SLC2A9: variants seen among roughly 807,000 people sequenced by gnomAD.
The protein encoded by SLC2A9 is solute carrier family 2 member 9.
Under a neutral mutation model 50.6 loss-of-function variants are expected in SLC2A9, and 39 were observed. The observed-to-expected ratio is 0.77, with a 90% confidence interval of 0.60 to 1.01. The LOEUF is 1.01. Among genes scored for constraint, SLC2A9 ranks in the 50% least tolerant of loss-of-function variants. The pLI is 0.00. For missense variants in SLC2A9, 686 were observed against 677.6 expected (o/e 1.01, Z -0.14); for synonymous variants, 324 against 276.9 (o/e 1.17, Z -1.69).
At chr4:9,965,237 C>T (rs1188311780) in intron 5 of SLC2A9, among the ~76,000 whole-genome samples, 1 of 152,188 alleles carries the variant, frequency 6.6e-6, no homozygotes, top group Non-Finnish European at 1.5e-5. Context: ...AGCTGTGATG[C>T]AGATCCAGGC....
chr4:9,956,327 C>CA (rs573102982), intron 5 of SLC2A9, among the ~76,000 whole-genome samples: 72,697 of 150,244 alleles, frequency 0.48, 18,798 homozygotes, highest in African/African-American at 0.67. Context: ...ACTAAAAATA[C>CA]AAAAAAAAAT....
At chr4:9,805,594 A>G (rs1722010584) in intron 3 of SLC2A9, among the ~76,000 whole-genome samples, 1 of 151,834 alleles carries the variant, frequency 6.6e-6, no homozygotes, top group Non-Finnish European at 1.5e-5. Context: ...TTACCTACTC[A>G]GGAGGCTGAG....
chr4:9,912,259 G>C (rs887593841), intron 7 of SLC2A9, among the ~76,000 whole-genome samples: 2 of 151,916 alleles, frequency 1.3e-5, no homozygotes, highest in Admixed American at 6.6e-5. Flanking sequence ...CCTGCACGTT[G>C]TGCACATGTA....
At chr4:9,831,675 T>G (rs1055477282) in intron 11 of SLC2A9, among the ~76,000 whole-genome samples, 1 of 152,110 alleles carries the variant, frequency 6.6e-6, no homozygotes, top group African/African-American at 2.4e-5. Flanking sequence ...GGACATAGCT[T>G]GAGTTCTGGT....
At chr4:9,824,044 G>A (rs888977533), downstream of SLC2A9, among the ~76,000 whole-genome samples, 6 of 152,130 alleles carry the variant, frequency 3.9e-5, no homozygotes, top group Non-Finnish European at 8.8e-5. Flanking sequence ...TCCCCAATGC[G>A]GCAGTATTGA....
chr4:9,786,424 G>T (rs1719225067), intron 3 of SLC2A9, among the ~76,000 whole-genome samples: 1 of 152,192 alleles, frequency 6.6e-6, no homozygotes, highest in Non-Finnish European at 1.5e-5. Context: ...AAATGCACTA[G>T]TGCACAGATC....
At chr4:9,899,719 T>C (rs1359215498) in intron 8 of SLC2A9, among the ~76,000 whole-genome samples, 1 of 152,230 alleles carries the variant, frequency 6.6e-6, no homozygotes, top group Non-Finnish European at 1.5e-5. Context: ...TTTTAAATAA[T>C]GATCATCCCA....
At chr4:9,837,427 C>G (rs1317027318) in intron 10 of SLC2A9, among the ~76,000 whole-genome samples, 3 of 152,208 alleles carry the variant, frequency 2.0e-5, no homozygotes, top group Non-Finnish European at 4.4e-5. Flanking sequence ...CACAGCAATT[C>G]TGAAGCCTGA....
At chr4:9,886,951 C>T (rs1271931008) in intron 10 of SLC2A9, among the ~76,000 whole-genome samples, 2 of 152,194 alleles carry the variant, frequency 1.3e-5, no homozygotes, top group Admixed American at 1.3e-4. Flanking sequence ...TAGGAAACAG[C>T]AGGGCTAGAA....
chr4:9,797,105 C>G (rs914881945), downstream of SLC2A9, among the ~76,000 whole-genome samples: 2 of 152,136 alleles, frequency 1.3e-5, no homozygotes, highest in Admixed American at 1.3e-4. Context: ...GGAAGTGTTC[C>G]AAGAACCAGG....
intron 8 of SLC2A9, among the ~76,000 whole-genome samples, chr4:9,895,025 G>A: frequency 1.3e-5 from 2 of 152,132 alleles, no homozygotes; most frequent in Non-Finnish European, 2.9e-5. Flanking sequence ...GTATTTTGAA[G>A]TTTTTAAAAA....
intron 5 of SLC2A9, among the ~76,000 whole-genome samples, chr4:9,955,090 C>T (rs1049437346): frequency 2.6e-5 from 4 of 152,242 alleles, no homozygotes; most frequent in East Asian, 3.9e-4. Flanking sequence ...AAACACACGG[C>T]GTGTGCGGCC....
intron 1 of SLC2A9, among the ~76,000 whole-genome samples, chr4:10,028,302 C>G (rs181694794): frequency 6.6e-6 from 1 of 152,198 alleles, no homozygotes; most frequent in Admixed American, 6.5e-5. Context: ...CCCATAAATG[C>G]GAATGCAGCA....
intron 10 of SLC2A9, among the ~76,000 whole-genome samples, chr4:9,867,107 A>G (rs1732615958): frequency 6.6e-6 from 1 of 152,214 alleles, no homozygotes; most frequent in Non-Finnish European, 1.5e-5. Flanking sequence ...TGTGAATGCA[A>G]TGGGCACTTT....
At chr4:9,973,048 C>A (rs182148752) in intron 5 of SLC2A9, among the ~76,000 whole-genome samples, 2 of 152,202 alleles carry the variant, frequency 1.3e-5, no homozygotes, top group African/African-American at 4.8e-5. Context: ...TAATAGACCA[C>A]TAGCTAGATT....
In SLC2A9 at chr4:9,980,590, AC is replaced by A; in HGVS notation, c.681+1del. Reference sequence around the variant, plus strand: ...TGCGGTTGACCAGGGAGCCACACTCACCTTTCCCAGCAGCTCGGGCAGGCCC... The same window carrying A: ...TGCGGTTGACCAGGGAGCCACACTCACTTTCCCAGCAGCTCGGGCAGGCCC... On this transcript the variant is annotated splice_donor_variant, in intron 5 of 11. Coordinates refer to ENST00000264784, the MANE Select transcript of SLC2A9 (RefSeq NM_020041.3). LOFTEE classifies it high-confidence loss of function. 6.2e-7 allele frequency: 1 copy of A among 1,614,098 alleles called. No individual in the cohort carries two copies. The highest frequency in any genetic ancestry group is 8.5e-7 in the Non-Finnish European group (1 of 1,180,008).
chr4:9,819,116 C>CA (rs60751108), intron 3 of SLC2A9, among the ~76,000 whole-genome samples: 2,145 of 55,744 alleles, frequency 0.038, 80 homozygotes, highest in South Asian at 0.046. Flanking sequence ...GAGACTGTCT[C>CA]AAAAAAAAAA....
At chr4:9,989,502 C>T (rs901695500) in intron 3 of SLC2A9, among the ~76,000 whole-genome samples, 2 of 152,036 alleles carry the variant, frequency 1.3e-5, no homozygotes, top group Non-Finnish European at 2.9e-5. Context: ...CCAAGAGACC[C>T]TTCCCACATG....
At chr4:9,792,292 A>T (rs902455888) in intron 3 of SLC2A9, among the ~76,000 whole-genome samples, 1 of 146,876 alleles carries the variant, frequency 6.8e-6, no homozygotes, top group African/African-American at 2.5e-5. Context: ...TCCTCCTGCT[A>T]CAGCCTCCCA....
Sources: allele counts gnomAD v4.1 joint callset (sites outside exome capture counted in the v4.1 genomes callset), GRCh38; gene constraint gnomAD v4.1.1; transcripts MANE v1.5; gene names NCBI Gene and HGNC (gene_info 2026-07-23, HGNC 2026-07-21).